The following DSC3 variants were observed in gnomAD, a reference collection of about 807,000 sequenced individuals.
DSC3 encodes the protein desmocollin-3.
Under a neutral mutation model 89.5 loss-of-function variants are expected in DSC3, and 97 were observed. The observed-to-expected ratio is 1.08, with a 90% confidence interval of 0.92 to 1.28. The LOEUF (loss-of-function observed/expected upper bound fraction) is 1.28. DSC3 is among the 50% of genes most tolerant of loss of function. The probability of loss-of-function intolerance (pLI) is 0.00; values close to 1 mark genes in which losing one functional copy is unlikely to be tolerated. For synonymous variants in DSC3, 436 were observed against 384.1 expected (o/e 1.14, Z -1.58); for missense variants, 1,199 against 1,085.3 (o/e 1.10, Z -1.47).
chr18:31,013,933 G>A (rs1426723619), intron 9 of DSC3, among the ~76,000 whole-genome samples: 15 of 151,944 alleles, frequency 9.9e-5, no homozygotes, highest in Admixed American at 6.6e-5. Flanking sequence ...ATTCATTGTA[G>A]TATATTTTGA....
At chr18:31,041,990 C>A (rs1986148449) in intron 1 of DSC3, among the ~76,000 whole-genome samples, 2 of 152,118 alleles carry the variant, frequency 1.3e-5, no homozygotes, top group Non-Finnish European at 2.9e-5. Context: ...CACATCCCGC[C>A]CCCAGCTGGG....
Position 31,031,215 on chromosome 18 carries a change from G to GA in DSC3, c.155-44dup, listed in dbSNP as rs370006572. ...CAAGTTGTAAGGTAAAAACACATGAGAAAAAAAAACGTGTTAAAATAATTT... is the reference window on the plus strand; with the variant it reads ...CAAGTTGTAAGGTAAAAACACATGAGAAAAAAAAAACGTGTTAAAATAATTT... On this transcript the variant is annotated intron_variant, in intron 2 of 15. Coordinates refer to ENST00000360428, the MANE Select transcript of DSC3 (RefSeq NM_001941.5). 4.8e-3 allele frequency: 6,162 copies of GA among 1,292,586 alleles called. 26 individuals are homozygous for GA. The highest frequency in any genetic ancestry group is 0.031 in the African/African-American group (2,014 of 65,290). The allele number at this position is 1,292,586 out of a possible 1,614,324, so 80.1% of individuals were successfully genotyped here.
intron 15 of DSC3, among the ~76,000 whole-genome samples, chr18:30,996,203 A>C (rs1425622968): frequency 6.6e-6 from 1 of 152,054 alleles, no homozygotes; most frequent in Non-Finnish European, 1.5e-5. Flanking sequence ...CAAAATTGCA[A>C]AGAAAGTACA....
chr18:31,012,382 G>A (rs1985099390), intron 9 of DSC3, among the ~76,000 whole-genome samples: 1 of 152,204 alleles, frequency 6.6e-6, no homozygotes, highest in African/African-American at 2.4e-5. Flanking sequence ...CGACATAAGA[G>A]AAGCAAGGAT....
At chr18:31,036,855 C>A (rs1181911901) in intron 1 of DSC3, among the ~76,000 whole-genome samples, 1 of 138,754 alleles carries the variant, frequency 7.2e-6, no homozygotes, top group Non-Finnish European at 1.5e-5. Context: ...TGCAGTGGTG[C>A]GATCTCAGCT....
In DSC3 at chr18:31,014,530, G is replaced by A. The variant is rs373169765; in HGVS notation, c.1263+3541C>T. 8.6e-5 allele frequency among the ~76,000 whole-genome samples: 13 copies of A among 151,946 alleles called. No homozygotes were observed. The East Asian group carries it at 2.5e-3, about 29-fold the overall frequency. On this transcript the variant is annotated intron_variant, in intron 9 of 15. Transcript: ENST00000360428. ...CTAATGGACTGCTTACTGAAAATTT[G>A]AAAATTACTGGCCTTATTAATAAAT...
chr18:31,042,143 C>T (rs1986154121), intron 1 of DSC3, among the ~76,000 whole-genome samples: 1 of 152,156 alleles, frequency 6.6e-6, no homozygotes, highest in Non-Finnish European at 1.5e-5. Flanking sequence ...CAATCCGGGT[C>T]AACTGCGACC....
chr18:31,016,458 T>G lies in DSC3; in HGVS notation c.1263+1613A>C, dbSNP rs142696390. Among the ~76,000 whole-genome samples the G allele has an allele frequency of 1.1e-3, 164 of 152,310 alleles. 1 individual carries two copies. Among genetic ancestry groups the G allele is most frequent in the African/African-American group, 3.7e-3 (155 of 41,574 alleles). ...GGAGAACATTTAACAGAACATCTGT[T>G]GCAATCACATCAATTCGAAACATAT... On this transcript the variant is annotated intron_variant, in intron 9 of 15. Transcript: ENST00000360428.
intron 13 of DSC3, 129 bp from the exon 14 acceptor site, chr18:31,001,868 A>G (rs1984675924): frequency 5.5e-6 from 4 of 732,030 alleles, no homozygotes; most frequent in Admixed American, 3.2e-5. Flanking sequence ...CCCATGAATT[A>G]TCTTGGCTGT....
rs9304076 is a variant in DSC3 at position 30,992,175 on chromosome 18, A to AGGGGG, written c.*1995_*1999dup. The AGGGGG allele has an allele frequency of 1.3e-4, 11 of 85,598 alleles. No homozygotes were observed. The highest frequency in any genetic ancestry group is 1.7e-4 in the Non-Finnish European group (7 of 41,890). The allele number at this position is 85,598 out of a possible 1,614,324, so 5.3% of individuals were successfully genotyped here. A position where few individuals can be genotyped will look rare whatever the true frequency, so the allele number is the denominator to read the frequency against. ...AGCGAGACTCCGTCTCAAAAAAAAA[A>AGGGGG]GGGGGGGGGGGGGGCAATAAAAAGT... On this transcript the variant is annotated 3_prime_UTR_variant, in exon 16 of 16. Transcript: ENST00000360428.
intron 9 of DSC3, among the ~76,000 whole-genome samples, chr18:31,017,551 C>T (rs766604558): frequency 6.6e-6 from 1 of 151,964 alleles, no homozygotes; most frequent in Non-Finnish European, 1.5e-5. Flanking sequence ...GTGAATATCA[C>T]CTTTAAAAGG....
chr18:31,015,668 G>A (rs1211727479), intron 9 of DSC3, among the ~76,000 whole-genome samples: 2 of 152,148 alleles, frequency 1.3e-5, no homozygotes, highest in African/African-American at 4.8e-5. Context: ...TAACGGCCTT[G>A]AGAGAGACTG....
rs749750993 is a variant in DSC3 at position 30,997,028 on chromosome 18, C to T, written c.2256G>A (p.Met752Ile). The change falls in exon 15 of 16, where the codon ATG (methionine) becomes ATA (isoleucine). Residue 752 changes from methionine (M) to isoleucine (I), a missense_variant. Transcript: ENST00000360428. ...GGCTAGAGTTGTTGGTAGTTTGGGT[C>T]ATAAATCCATTGGCAGAGCACTGAA... ...DDRVCSANGFMTQTTNNSSQG... is the reference protein window; with the variant it reads ...DDRVCSANGFITQTTNNSSQG... 2 of 1,614,070 alleles carry T rather than the reference C, an allele frequency of 1.2e-6. No homozygotes were observed. Among genetic ancestry groups the T allele is most frequent in the Non-Finnish European group, 8.5e-7 (1 of 1,180,010 alleles).
intron 9 of DSC3, among the ~76,000 whole-genome samples, chr18:31,010,684 A>C (rs1044596071): frequency 6.6e-6 from 1 of 152,160 alleles, no homozygotes; most frequent in Non-Finnish European, 1.5e-5. Context: ...ACAACTCCCT[A>C]GAAAATGTAT....
At chr18:31,027,275 A>G (rs1985628725) in intron 4 of DSC3, among the ~76,000 whole-genome samples, 2 of 152,166 alleles carry the variant, frequency 1.3e-5, no homozygotes, top group South Asian at 4.1e-4. Context: ...GGATTTAAAC[A>G]TGGACGGTCA....
chr18:31,027,643 G>T (rs1985644749), intron 4 of DSC3, among the ~76,000 whole-genome samples: 2 of 152,092 alleles, frequency 1.3e-5, no homozygotes, highest in African/African-American at 4.8e-5. Flanking sequence ...GAGGAACATG[G>T]CTATGGTGTT....
rs150031308 is a variant in DSC3 at position 31,033,797 on chromosome 18, G to A, written c.70-1521C>T. Among the ~76,000 whole-genome samples the A allele has an allele frequency of 6.0e-3, 912 of 152,270 alleles. 9 individuals carry two copies. The highest frequency in any genetic ancestry group is 0.021 in the African/African-American group (858 of 41,548). On this transcript the variant is annotated intron_variant, in intron 1 of 15. Transcript: ENST00000360428. The stretch of plus-strand genomic sequence containing the variant: ...AAAATGCCACTTTCTTTACAAAAGT[G>A]AAAAATACAACAACTCATAGAATAG...
rs1984379920 is a variant in DSC3, at chr18:30,994,300, C to T, written c.2566G>A (p.Gly856Arg). Residue 856 changes from glycine to arginine, a missense_variant, in exon 16 of 16, where the codon GGA becomes AGA. Gly to Arg is a moderately radical substitution (Grantham distance 125). Transcript: ENST00000360428. Reference protein sequence around the residue: ...QDYVLTYNYEGRGSPAGSVGC... With the variant: ...QDYVLTYNYERRGSPAGSVGC... Reference sequence around the variant, plus strand: ...ACAGAACCAGCTGGAGATCCTCTTCCCTCATAGTTATAAGTGAGGACATAA... The same window carrying T: ...ACAGAACCAGCTGGAGATCCTCTTCTCTCATAGTTATAAGTGAGGACATAA... The T allele has an allele frequency of 5.6e-6, 9 of 1,614,008 alleles. No individual in the cohort carries two copies. The highest frequency in any genetic ancestry group is 6.8e-6 in the Non-Finnish European group (8 of 1,179,978).
At chr18:31,004,812 T>C (rs998965282) in intron 12 of DSC3, among the ~76,000 whole-genome samples, 4 of 152,220 alleles carry the variant, frequency 2.6e-5, no homozygotes, top group Admixed American at 6.5e-5. Context: ...ATAGATTGTT[T>C]ACGATTAACA....
Sources: allele counts gnomAD v4.1 joint callset (sites outside exome capture counted in the v4.1 genomes callset), GRCh38; gene constraint gnomAD v4.1.1; transcripts MANE v1.5; gene names NCBI Gene and HGNC (gene_info 2026-07-23, HGNC 2026-07-21).